The following SPAG9 variants were observed in gnomAD, a reference collection of about 807,000 sequenced individuals.
SPAG9 encodes the protein sperm associated antigen 9, also known as C-Jun-amino-terminal kinase-interacting protein 4.
Under a neutral mutation model 166.5 loss-of-function variants are expected in SPAG9, and 35 were observed. That is an observed-to-expected ratio of 0.21 (90% CI 0.16 to 0.28). The LOEUF (loss-of-function observed/expected upper bound fraction) is 0.28, where lower values mean the gene tolerates loss of function less well. Among genes scored for constraint, SPAG9 ranks in the 10% least tolerant of loss-of-function variants. SPAG9 has a pLI of 1.00. For missense variants in SPAG9, 1,235 were observed against 1,603.3 expected (o/e 0.77, Z 3.92); for synonymous variants, 534 against 565.5 (o/e 0.94, Z 0.79).
chr17:51,088,094 G>A (rs750347379), intron 1 of SPAG9, among the ~76,000 whole-genome samples: 14 of 152,058 alleles, frequency 9.2e-5, no homozygotes, highest in Non-Finnish European at 4.4e-5. Flanking sequence ...AAACATGTCT[G>A]CCTTCTACTT....
chr17:51,069,847 T>G (rs555726564), intron 2 of SPAG9, among the ~76,000 whole-genome samples: 1 of 152,240 alleles, frequency 6.6e-6, no homozygotes, highest in African/African-American at 2.4e-5. Flanking sequence ...GGTCAAAGTA[T>G]AAGGATCTAA....
chr17:50,990,298 G>A (rs1037640382), intron 20 of SPAG9, 152 bp downstream of exon 20: 1 of 657,328 alleles, frequency 1.5e-6, no homozygotes, highest in African/African-American at 1.8e-5. Flanking sequence ...AGAGTGCTGG[G>A]ATTACAGGCG....
chr17:51,076,939 C>A (rs1161064415), intron 2 of SPAG9, among the ~76,000 whole-genome samples: 1 of 151,708 alleles, frequency 6.6e-6, no homozygotes, highest in African/African-American at 2.4e-5. Flanking sequence ...AGTGCGAGAC[C>A]AGCCTGGGCA....
At chr17:51,025,136 TG>T (rs1472125262) in intron 6 of SPAG9, among the ~76,000 whole-genome samples, 6 of 151,432 alleles carry the variant, frequency 4.0e-5, no homozygotes, top group African/African-American at 1.5e-4. Flanking sequence ...TTGGCCAACA[TG>T]GGGAAACCCC....
At chr17:51,108,533 G>A (rs1451635716) in intron 1 of SPAG9, among the ~76,000 whole-genome samples, 4 of 152,056 alleles carry the variant, frequency 2.6e-5, no homozygotes, top group Non-Finnish European at 5.9e-5. Flanking sequence ...AGAGCAAGTG[G>A]TGCTGTGTGC....
rs189876019 is a variant in SPAG9 at position 51,046,992 on chromosome 17, A to C, written c.590+383T>G. On this transcript the variant is annotated intron_variant, in intron 4 of 29. Coordinates refer to ENST00000262013, the MANE Select transcript of SPAG9 (RefSeq NM_001130528.3). ...CTACATAATTTATTCACACTCCTAC[A>C]CCAAACAGATGGCTAGCTAACCCTT... 1,447 of 1,307,594 alleles carry C rather than the reference A, an allele frequency of 1.1e-3. 1 individual carries two copies. The highest frequency in any genetic ancestry group is 2.0e-3 in the Admixed American group (65 of 32,444). The allele number at this position is 1,307,594 out of a possible 1,614,324, so 81.0% of individuals were successfully genotyped here.
intron 6 of SPAG9, among the ~76,000 whole-genome samples, chr17:51,025,984 G>A (rs908605463): frequency 2.0e-5 from 3 of 152,072 alleles, no homozygotes; most frequent in African/African-American, 4.8e-5. Flanking sequence ...TTAAGACGGC[G>A]GATTCAGAAA....
chr17:51,099,174 C>T (rs2048730378), intron 1 of SPAG9, among the ~76,000 whole-genome samples: 1 of 151,564 alleles, frequency 6.6e-6, no homozygotes, highest in Admixed American at 6.6e-5. Context: ...TGGCTCACGC[C>T]TGTAATCCCA....
intron 25 of SPAG9, among the ~76,000 whole-genome samples, chr17:50,981,109 A>T (rs1275573467): frequency 6.6e-6 from 1 of 152,210 alleles, no homozygotes; most frequent in Non-Finnish European, 1.5e-5. Flanking sequence ...AAAATCTGAA[A>T]TCTGAAATGC....
At chr17:51,079,971 C>G (rs73988513) in intron 1 of SPAG9, among the ~76,000 whole-genome samples, 1 of 151,952 alleles carries the variant, frequency 6.6e-6, no homozygotes, top group Non-Finnish European at 1.5e-5. Flanking sequence ...ATATATAAAC[C>G]CTTTTGTATA....
chr17:51,007,403 T>C (rs2045273630), intron 9 of SPAG9, 77 bp from the exon 10 acceptor site: 1 of 736,444 alleles, frequency 1.4e-6, no homozygotes, highest in Non-Finnish European at 2.1e-6. Flanking sequence ...TAAGCTATAG[T>C]CACAAGTTTT....
At chr17:51,070,098 G>A (rs1166777770) in intron 2 of SPAG9, among the ~76,000 whole-genome samples, 1 of 149,390 alleles carries the variant, frequency 6.7e-6, no homozygotes, top group East Asian at 1.9e-4. Context: ...AAAAAAACCT[G>A]TACTCCCCAA....
chr17:51,021,921 G>A (rs1157184532), intron 6 of SPAG9, among the ~76,000 whole-genome samples: 3 of 151,884 alleles, frequency 2.0e-5, no homozygotes, highest in South Asian at 2.1e-4. Context: ...TCAGGAGTTC[G>A]AGACCAGCCT....
At chr17:50,984,740 T>C (rs540688061) in intron 24 of SPAG9, among the ~76,000 whole-genome samples, 183 bp downstream of exon 24, 1 of 152,342 alleles carries the variant, frequency 6.6e-6, no homozygotes, top group South Asian at 2.1e-4. Context: ...TAAACACATT[T>C]TCCCTAAGGT....
intron 1 of SPAG9, among the ~76,000 whole-genome samples, chr17:51,114,085 G>A (rs2049209344): frequency 6.6e-6 from 1 of 152,254 alleles, no homozygotes; most frequent in East Asian, 1.9e-4. Context: ...CAGCACTTTG[G>A]GAGGCCGAGG....
intron 2 of SPAG9, among the ~76,000 whole-genome samples, chr17:51,074,438 G>GA (rs779250686): frequency 1.4e-4 from 22 of 152,108 alleles, no homozygotes; most frequent in Non-Finnish European, 2.6e-4. Context: ...TCAGTTCATA[G>GA]AAAAAAGATT....
chr17:50,966,393 G>C lies in SPAG9; in HGVS notation c.3851-6C>G, dbSNP rs1197810177. On this transcript the variant is annotated splice_region_variant and splice_polypyrimidine_tract_variant and intron_variant, in intron 29 of 29. Coordinates refer to ENST00000262013, the MANE Select transcript of SPAG9 (RefSeq NM_001130528.3). The stretch of plus-strand genomic sequence containing the variant: ...TGATTCTCCACCTTCATCACCTAGT[G>C]AATGATAAGAAGACTCAAGTTAGGC... The C allele has an allele frequency of 1.3e-5, 19 of 1,515,142 alleles. No individual in the cohort carries two copies. Among genetic ancestry groups the C allele is most frequent in the Non-Finnish European group, 1.7e-5 (19 of 1,089,976 alleles). The allele number at this position is 1,515,142 out of a possible 1,614,324, so 93.9% of individuals were successfully genotyped here.
At chr17:51,104,497 G>A in intron 1 of SPAG9, among the ~76,000 whole-genome samples, 1 of 152,182 alleles carries the variant, frequency 6.6e-6, no homozygotes, top group East Asian at 1.9e-4. Flanking sequence ...TTAGCCAGGT[G>A]TGGTGGCGCT....
intron 23 of SPAG9, among the ~76,000 whole-genome samples, chr17:50,985,427 A>G (rs986320607): frequency 1.3e-5 from 2 of 152,222 alleles, no homozygotes; most frequent in Non-Finnish European, 2.9e-5. Context: ...TAAAATAAAC[A>G]TAACTTAATA....
Sources: allele counts gnomAD v4.1 joint callset (sites outside exome capture counted in the v4.1 genomes callset), GRCh38; gene constraint gnomAD v4.1.1; transcripts MANE v1.5; gene names NCBI Gene and HGNC (gene_info 2026-07-23, HGNC 2026-07-21).